Variants in SCRG1 observed in about 807,000 individuals in gnomAD.
SCRG1 encodes scrapie-responsive protein 1.
A neutral mutation model predicts 7.7 loss-of-function variants in SCRG1; 3 were observed. The observed-to-expected ratio is 0.39, with a 90% CI of 0.18 to 1.01. The LOEUF is 1.01. Ranked by LOEUF, SCRG1 falls within the 50% of genes least tolerant of loss-of-function variation. The pLI, the probability that SCRG1 is intolerant of heterozygous loss-of-function variation, is 0.36. For synonymous variants in SCRG1, 46 were observed against 41.2 expected (o/e 1.12, Z -0.44); for missense variants, 110 against 117.2 (o/e 0.94, Z 0.28).
At chr4:173,485,010 A>ATATATAATATATTATATAT in the SCRG1 span, among the ~76,000 whole-genome samples, 28 of 4,900 alleles carry the variant, frequency 5.7e-3, 3 homozygotes, top group African/African-American at 0.015. Flanking sequence ...TATAAATATA[A>ATATATAATATATTATATAT]TATATAATAT....
chr4:173,440,094 A>G, the SCRG1 span, among the ~76,000 whole-genome samples: 1 of 152,012 alleles, frequency 6.6e-6, no homozygotes. Flanking sequence ...GTTTCTCTCT[A>G]TTTTCACTGC....
the SCRG1 span, among the ~76,000 whole-genome samples, chr4:173,430,160 G>A: frequency 6.6e-6 from 1 of 152,240 alleles, no homozygotes; most frequent in Non-Finnish European, 1.5e-5. Flanking sequence ...CGGGGGAACT[G>A]AAAATGTTTA....
rs377255555 is a variant in SCRG1 at position 173,385,539 on chromosome 4, A to G, written c.*2802T>C. ...GTTAGAGAAATAGTTATATAAGGTA[A>G]GTTGTGTGAATGTATGTTTTTACAT... On this transcript the variant is annotated 3_prime_UTR_variant, in exon 3 of 3. Coordinates refer to ENST00000296506, the MANE Select transcript of SCRG1 (RefSeq NM_007281.4). 8 of 152,136 alleles carry G rather than the reference A, an allele frequency of 5.3e-5. No individual in the cohort carries two copies. The highest frequency in any genetic ancestry group is 3.9e-4 in the Admixed American group (6 of 15,270). The allele number at this position is 152,136 out of a possible 1,614,324, so 9.4% of individuals were successfully genotyped here. A position where few individuals can be genotyped will look rare whatever the true frequency, so the allele number is the denominator to read the frequency against.
the SCRG1 span, among the ~76,000 whole-genome samples, chr4:173,432,299 CCCCCT>C: frequency 1.1e-4 from 15 of 136,992 alleles, no homozygotes; most frequent in Non-Finnish European, 2.2e-4. Context: ...TCCTTCCTCC[CCCCCT>C]CCCTCCCTCC....
chr4:173,388,201 G>A lies in SCRG1; in HGVS notation c.*140C>T. On this transcript the variant is annotated 3_prime_UTR_variant, in exon 3 of 3. Coordinates refer to ENST00000296506, the MANE Select transcript of SCRG1 (RefSeq NM_007281.4). ...CTTTTATTACTACTTGTTTAACACA[G>A]ATTTACTTGTCTTAGACAAGTAAGA... The A allele has an allele frequency of 2.0e-6, 1 of 512,470 alleles. No homozygotes were observed. 31.7% of individuals were successfully genotyped at this position (512,470 alleles called of 1,614,324 possible).
chr4:173,490,589 A>T, the SCRG1 span, among the ~76,000 whole-genome samples: 1 of 152,202 alleles, frequency 6.6e-6, no homozygotes, highest in Non-Finnish European at 1.5e-5. Context: ...TTGCTGCCCG[A>T]TTGCAGGAAA....
chr4:173,453,517 T>C, the SCRG1 span, among the ~76,000 whole-genome samples: 1 of 152,198 alleles, frequency 6.6e-6, no homozygotes, highest in Non-Finnish European at 1.5e-5. Context: ...GTATAGCCTA[T>C]TGCTCCTAGG....
At chr4:173,468,712 A>T in the SCRG1 span, 1 of 152,200 alleles carries the variant, frequency 6.6e-6, no homozygotes, top group East Asian at 1.9e-4. Context: ...CACCATGGAG[A>T]GTCAAGCATA....
the SCRG1 span, among the ~76,000 whole-genome samples, chr4:173,432,894 G>A: frequency 3.9e-5 from 6 of 152,176 alleles, no homozygotes; most frequent in African/African-American, 1.4e-4. Context: ...TTTGGTTGAA[G>A]CTGGTGGTCT....
chr4:173,416,181 A>G, the SCRG1 span, among the ~76,000 whole-genome samples: 1 of 152,208 alleles, frequency 6.6e-6, no homozygotes, highest in African/African-American at 2.4e-5. Flanking sequence ...TCTGAGTGTC[A>G]TCTCTTACGA....
At chr4:173,485,568 G>A in the SCRG1 span, among the ~76,000 whole-genome samples, 1 of 152,066 alleles carries the variant, frequency 6.6e-6, no homozygotes, top group African/African-American at 2.4e-5. Context: ...AAGCCATTAA[G>A]TTTTGCGATA....
chr4:173,389,752 G>A (rs947187122), intron 2 of SCRG1: 4 of 225,540 alleles, frequency 1.8e-5, no homozygotes, highest in Admixed American at 4.6e-5. Flanking sequence ...AGAACACGTG[G>A]GTTCTAATCC....
the SCRG1 span, among the ~76,000 whole-genome samples, chr4:173,414,115 C>A: frequency 1.3e-5 from 2 of 152,124 alleles, no homozygotes; most frequent in Admixed American, 6.5e-5. Flanking sequence ...AACCTAATCA[C>A]CCAGCAACAC....
chr4:173,442,033 C>A, the SCRG1 span, among the ~76,000 whole-genome samples: 1 of 152,170 alleles, frequency 6.6e-6, no homozygotes, highest in African/African-American at 2.4e-5. Context: ...AATAATTACT[C>A]AAGAAATAGT....
At chr4:173,488,886 G>T in the SCRG1 span, among the ~76,000 whole-genome samples, 1 of 152,180 alleles carries the variant, frequency 6.6e-6, no homozygotes, top group Admixed American at 6.5e-5. Context: ...ATGCCATCTT[G>T]AGCTAGGATT....
intron 2 of SCRG1, chr4:173,389,565 AAACAAAC>A (rs1443425511): frequency 9.9e-6 from 2 of 201,482 alleles, no homozygotes; most frequent in African/African-American, 4.8e-5. Flanking sequence ...ACAAACAAAC[AAACAAAC>A]AACCATAATT....
chr4:173,461,940 T>C, the SCRG1 span, among the ~76,000 whole-genome samples: 20 of 151,928 alleles, frequency 1.3e-4, 1 homozygote, highest in African/African-American at 4.3e-4. Context: ...GAGGAATGTA[T>C]CAAACCCCTT....
At chr4:173,484,731 A>ATAATACATATTATATTATATACATG in the SCRG1 span, among the ~76,000 whole-genome samples, 1 of 89,552 alleles carries the variant, frequency 1.1e-5, no homozygotes, top group African/African-American at 5.0e-5. Flanking sequence ...TTATATGCAT[A>ATAATACATATTATATTATATACATG]TAATACATAT....
chr4:173,397,075 CAA>C lies in SCRG1; in HGVS notation c.-15+1991_-15+1992del, dbSNP rs541708400. Among the ~76,000 whole-genome samples the C allele has an allele frequency of 2.3e-4, 35 of 152,152 alleles. No individual in the cohort carries two copies. In the East Asian group the frequency reaches 3.5e-3, roughly 15 times the overall value. ...CTCAAAAAAATGAAATAAAATAAAA[CAA>C]AATAAAATAAAATAAATTACATGTC... On this transcript the variant is annotated intron_variant, in intron 1 of 2. Transcript: ENST00000296506.
Sources: gnomAD v4.1 joint callset for allele counts (sites outside exome capture counted in the v4.1 genomes callset) on GRCh38, gnomAD v4.1.1 for gene constraint, MANE v1.5 for transcripts, NCBI Gene and HGNC (gene_info 2026-07-23, HGNC 2026-07-21) for gene names.